VPS13C: variants seen among roughly 807,000 people sequenced by gnomAD.
The protein encoded by VPS13C is intermembrane lipid transfer protein VPS13C.
In VPS13C, 358 loss-of-function variants were observed where a neutral mutation model predicts 456.8. That is an observed-to-expected ratio of 0.78 (90% CI 0.72 to 0.86). The LOEUF (loss-of-function observed/expected upper bound fraction) is 0.86, where lower values mean the gene tolerates loss of function less well. VPS13C is among the 40% of genes least tolerant of loss of function. The pLI is 0.00. For missense variants in VPS13C, 4,818 were observed against 4,385.4 expected (o/e 1.10, Z -2.79); for synonymous variants, 1,578 against 1,486.7 (o/e 1.06, Z -1.41).
rs542118447 is a variant in VPS13C, at chr15:61,914,494, G to A, written c.8446-1079C>T. ...TGAGGCAGGAGAATCGCTTGAACCCGGGAGGCGGAGGTTGCAGTGAGCCAA... is the reference window on the plus strand; with the variant it reads ...TGAGGCAGGAGAATCGCTTGAACCCAGGAGGCGGAGGTTGCAGTGAGCCAA... On this transcript the variant is annotated intron_variant, in intron 61 of 84. Transcript: ENST00000644861. 1.6e-3 allele frequency among the ~76,000 whole-genome samples: 236 copies of A among 151,696 alleles called. 1 individual carries two copies. Among genetic ancestry groups the A allele is most frequent in the Middle Eastern group, 0.014 (4 of 294 alleles).
chr15:62,024,216 T>G (rs557137993), intron 6 of VPS13C, among the ~76,000 whole-genome samples: 1 of 152,134 alleles, frequency 6.6e-6, no homozygotes, highest in South Asian at 2.1e-4. Flanking sequence ...TATAAAACTT[T>G]CAGAAGAAGG....
At chr15:61,899,375 AAAG>A (rs2042928070) in intron 66 of VPS13C, among the ~76,000 whole-genome samples, 1 of 150,048 alleles carries the variant, frequency 6.7e-6, no homozygotes, top group South Asian at 2.1e-4. Flanking sequence ...ATAAAGAAAA[AAAG>A]AGAGAAGAAT....
At position 61,947,318 on chromosome 15, in the gene VPS13C, T is replaced by C. The variant is rs202057763; in HGVS notation, c.4760-9A>G. 3.2e-6 allele frequency: 5 copies of C among 1,580,662 alleles called. No individual in the cohort carries two copies. The highest frequency in any genetic ancestry group is 1.7e-4 in the Middle Eastern group (1 of 5,986). ...GGAAATGTTGCTGGATACTAAAAAA[T>C]AATAGAAACCTTCTGATGAGCAAAG... is the stretch of plus-strand genomic sequence containing the variant. On this transcript the variant is annotated splice_polypyrimidine_tract_variant and intron_variant, in intron 42 of 84. Transcript: ENST00000644861.
At chr15:61,979,014 A>G (rs2045793779) in intron 22 of VPS13C, among the ~76,000 whole-genome samples, 1 of 152,168 alleles carries the variant, frequency 6.6e-6, no homozygotes, top group African/African-American at 2.4e-5. Context: ...ACTTGTCTAG[A>G]TGTACAACTC....
intron 3 of VPS13C, among the ~76,000 whole-genome samples, chr15:62,037,391 ATATAT>A (rs2048087326): frequency 2.1e-5 from 2 of 95,970 alleles, no homozygotes; most frequent in Non-Finnish European, 4.2e-5. Context: ...AATGTATATA[ATATAT>A]TATATATAAA....
intron 1 of VPS13C, among the ~76,000 whole-genome samples, chr15:62,048,577 T>A (rs1269605351): frequency 6.6e-6 from 1 of 152,170 alleles, no homozygotes; most frequent in Non-Finnish European, 1.5e-5. Context: ...TGAGCATGTG[T>A]CTTTATAGCA....
intron 64 of VPS13C, among the ~76,000 whole-genome samples, chr15:61,909,456 C>T (rs1414012958): frequency 6.6e-6 from 1 of 152,240 alleles, no homozygotes; most frequent in Non-Finnish European, 1.5e-5. Context: ...ATCAGCCCGC[C>T]TCGGCCTCCC....
intron 1 of VPS13C, among the ~76,000 whole-genome samples, chr15:62,046,129 G>A (rs1429883067): frequency 6.6e-6 from 1 of 152,088 alleles, no homozygotes; most frequent in Non-Finnish European, 1.5e-5. Flanking sequence ...AAGGAGGAAA[G>A]AAACTTCACA....
rs563302268 is a variant in VPS13C, at chr15:61,948,240, T to G, written c.4760-931A>C. Among the ~76,000 whole-genome samples the G allele has an allele frequency of 5.3e-5, 8 of 152,314 alleles. No homozygotes were observed. In the East Asian group the frequency reaches 1.5e-3, roughly 29 times the overall value. ...TTCATTTATTCAACTGTGTTGTGTA[T>G]GTACTGTATGCATATATAATATAAA... On this transcript the variant is annotated intron_variant, in intron 42 of 84. Transcript: ENST00000644861.
Position 61,961,729 on chromosome 15 carries a change from A to G in VPS13C, c.3768T>C (p.Ser1256=). Residue 1256 remains serine (S), a synonymous_variant, in exon 35 of 85, where the codon TCT becomes TCC. Transcript: ENST00000644861. ...KAPVIVIPQS[S]ISTNAVVVDL... Reference sequence around the variant, plus strand: ...CTACCACTACTGCATTGGTGGAAATAGAAGACTGTGGGATGACTATAACCG... The same window carrying G: ...CTACCACTACTGCATTGGTGGAAATGGAAGACTGTGGGATGACTATAACCG... 6.2e-7 allele frequency: 1 copy of G among 1,614,102 alleles called. No individual in the cohort carries two copies.
chr15:62,003,144 T>C (rs2046696392), intron 15 of VPS13C, among the ~76,000 whole-genome samples: 1 of 152,244 alleles, frequency 6.6e-6, no homozygotes, highest in African/African-American at 2.4e-5. Context: ...ATTCTTCCTA[T>C]CCATGAGCAT....
chr15:61,961,799 G>C lies in VPS13C; in HGVS notation c.3698C>G (p.Ala1233Gly), dbSNP rs115982089. 6.2e-7 allele frequency: 1 copy of C among 1,614,006 alleles called. No homozygotes were observed. Among genetic ancestry groups the C allele is most frequent in the East Asian group, 2.2e-5 (1 of 44,862 alleles). The change falls in exon 35 of 85, where the codon GCC becomes GGC. Residue 1233 changes from alanine (A) to glycine (G), a missense_variant. This residue lies in a region of VPS13C where 4,552 missense variants were observed against 4,130.6 expected (regional missense o/e 1.10). Transcript: ENST00000644861. The stretch of plus-strand genomic sequence containing the variant: ...GATGGAAACACGAAAACTCCTCTGG[G>C]CAAGATCTTTCACACTTGTGGCAGC... ...ERAATSVKDL[A>G]QRSFRVSINI...
In VPS13C at chr15:61,915,872, AT is replaced by A. The variant is rs1173396218; in HGVS notation, c.8205del (p.Glu2735AspfsTer14). On this transcript the variant is annotated frameshift_variant, in exon 61 of 85. Coordinates refer to ENST00000644861, the MANE Select transcript of VPS13C (RefSeq NM_020821.3). LOFTEE classifies it high-confidence loss of function. Reference protein sequence around the residue: ...GHFRIRDTLPEFFPVCFSSDS... With the variant: ...GHFRIRDTLPXFFPVCFSSDS... Reference sequence around the variant, plus strand: ...TCAGAAGAAAAACACACAGGAAAGAATTCTGGTAGTGTATCACGTATGCGGA... The same window carrying A: ...TCAGAAGAAAAACACACAGGAAAGAATCTGGTAGTGTATCACGTATGCGGA... The A allele has an allele frequency of 6.2e-7, 1 of 1,613,910 alleles. No individual in the cohort carries two copies. The highest frequency in any genetic ancestry group is 1.1e-5 in the South Asian group (1 of 91,070).
intron 79 of VPS13C, among the ~76,000 whole-genome samples, chr15:61,870,596 GCA>G (rs1596273982): frequency 6.6e-6 from 1 of 152,152 alleles, no homozygotes; most frequent in Admixed American, 6.5e-5. Context: ...GAACATTTGT[GCA>G]CAGTTTTTGT....
intron 1 of VPS13C, among the ~76,000 whole-genome samples, chr15:62,055,373 G>A (rs2048753320): frequency 6.7e-6 from 1 of 149,768 alleles, no homozygotes; most frequent in Non-Finnish European, 1.5e-5. Context: ...GACTACAGGC[G>A]CCTGCCCCCA....
Position 61,854,367 on chromosome 15 carries a change from A to T in VPS13C, c.*90T>A. ...AAACTAAAACTAAAGGATTGCTTGA[A>T]AAATTGTCTTTAGCAAGATAAAGCA... On this transcript the variant is annotated 3_prime_UTR_variant, in exon 85 of 85. Coordinates refer to ENST00000644861, the MANE Select transcript of VPS13C (RefSeq NM_020821.3). The T allele has an allele frequency of 1.6e-6, 2 of 1,226,242 alleles. No individual in the cohort carries two copies. The highest frequency in any genetic ancestry group is 2.4e-6 in the Non-Finnish European group (2 of 829,214). The allele number at this position is 1,226,242 out of a possible 1,614,324, so 76.0% of individuals were successfully genotyped here.
Position 61,962,618 on chromosome 15 carries a change from T to G in VPS13C, c.3436-80A>C, listed in dbSNP as rs980201000. On this transcript the variant is annotated intron_variant, in intron 33 of 84. Transcript: ENST00000644861. Reference sequence around the variant, plus strand: ...ATCTCATTTACAAAAGGCTTTACATTTATAATCTTTATAAAAAAATTTTTC... The same window carrying G: ...ATCTCATTTACAAAAGGCTTTACATGTATAATCTTTATAAAAAAATTTTTC... 4 of 1,391,190 alleles carry G rather than the reference T, an allele frequency of 2.9e-6. No individual in the cohort carries two copies. The African/African-American group carries it at 5.9e-5, about 20-fold the overall frequency. The allele number at this position is 1,391,190 out of a possible 1,614,324, so 86.2% of individuals were successfully genotyped here.
intron 84 of VPS13C, 54 bp from the exon 85 acceptor site, chr15:61,854,612 G>A: frequency 6.4e-7 from 1 of 1,572,232 alleles, no homozygotes; most frequent in Non-Finnish European, 8.8e-7. Context: ...GGCTCATTTG[G>A]TTGAAGGGAA....
chr15:61,996,177 C>T (rs2046380639), intron 16 of VPS13C, among the ~76,000 whole-genome samples: 1 of 152,144 alleles, frequency 6.6e-6, no homozygotes, highest in Non-Finnish European at 1.5e-5. Flanking sequence ...TAACCCAAAC[C>T]AAAGTAGCAA....
Sources: gnomAD v4.1 joint callset for allele counts (sites outside exome capture counted in the v4.1 genomes callset) on GRCh38, gnomAD v4.1.1 for gene constraint, gnomAD v4.1.1 regional missense constraint, MANE v1.5 for transcripts, NCBI Gene and HGNC (gene_info 2026-07-23, HGNC 2026-07-21) for gene names.